UGT1A8: variants seen among roughly 807,000 people sequenced by gnomAD.
UGT1A8 encodes UDP-glucuronosyltransferase 1A8.
UGT1A8 carries 39 observed loss-of-function variants against 45.3 expected under a neutral mutation model. That is an observed-to-expected ratio of 0.86 (90% confidence interval 0.67 to 1.12). The LOEUF (loss-of-function observed/expected upper bound fraction) is 1.12, where lower values mean the gene tolerates loss of function less well. UGT1A8 is among the 50% of genes most tolerant of loss of function. The pLI is 0.00. For missense variants in UGT1A8, 719 were observed against 664.9 expected (o/e 1.08, Z -0.90); for synonymous variants, 275 against 249.2 (o/e 1.10, Z -0.97).
At chr2:233,629,950 T>A (rs978508801) in intron 1 of UGT1A8, among the ~76,000 whole-genome samples, 4 of 152,134 alleles carry the variant, frequency 2.6e-5, no homozygotes, top group Non-Finnish European at 4.4e-5. Flanking sequence ...CATTTTAACA[T>A]CTGTAGAATC....
intron 1 of UGT1A8, chr2:233,743,776 C>T: frequency 7.3e-7 from 1 of 1,367,308 alleles, no homozygotes; most frequent in Non-Finnish European, 9.8e-7. Context: ...CGGCCACCTG[C>T]TTGAATCTCC....
At chr2:233,717,209 CG>C (rs1559362356) in intron 1 of UGT1A8, among the ~76,000 whole-genome samples, 1 of 152,166 alleles carries the variant, frequency 6.6e-6, no homozygotes, top group African/African-American at 2.4e-5. Flanking sequence ...ACCCTCACCC[CG>C]GGCTCATCAG....
At chr2:233,618,894 C>T (rs1204157040) in intron 1 of UGT1A8, among the ~76,000 whole-genome samples, 1 of 152,008 alleles carries the variant, frequency 6.6e-6, no homozygotes, top group African/African-American at 2.4e-5. Flanking sequence ...AGCAAATGCT[C>T]TTAGCAGTTT....
intron 1 of UGT1A8, among the ~76,000 whole-genome samples, chr2:233,694,259 C>G (rs1291026484): frequency 6.6e-6 from 1 of 151,754 alleles, no homozygotes; most frequent in Non-Finnish European, 1.5e-5. Context: ...CAGGGACCAG[C>G]GAACTACAGC....
intron 4 of UGT1A8, 143 bp downstream of exon 4, chr2:233,768,582 CTTTTTT>C (rs139595073): frequency 4.6e-4 from 479 of 1,031,596 alleles, no homozygotes; most frequent in East Asian, 1.4e-3. Context: ...TTTATTTCTT[CTTTTTT>C]TTTTTTTTTT....
chr2:233,633,841 C>A (rs1466357089), intron 1 of UGT1A8, among the ~76,000 whole-genome samples: 2 of 151,996 alleles, frequency 1.3e-5, no homozygotes, highest in African/African-American at 4.8e-5. Flanking sequence ...TTTTTCTTGT[C>A]TTCTGCTAGC....
At chr2:233,645,433 A>G (rs899269829) in intron 1 of UGT1A8, among the ~76,000 whole-genome samples, 6 of 152,300 alleles carry the variant, frequency 3.9e-5, no homozygotes, top group African/African-American at 1.2e-4. Context: ...CATTAACTCA[A>G]AAGTCCACAG....
At chr2:233,706,797 A>G (rs952386355) in intron 1 of UGT1A8, among the ~76,000 whole-genome samples, 9 of 152,160 alleles carry the variant, frequency 5.9e-5, no homozygotes, top group African/African-American at 1.9e-4. Context: ...CCATGCACCA[A>G]TTAGGTTGGG....
At chr2:233,677,122 A>G (rs184135663) in intron 1 of UGT1A8, among the ~76,000 whole-genome samples, 1 of 152,276 alleles carries the variant, frequency 6.6e-6, no homozygotes, top group Non-Finnish European at 1.5e-5. Context: ...TTTTATTTAT[A>G]GATCAACTGG....
intron 1 of UGT1A8, among the ~76,000 whole-genome samples, chr2:233,702,574 T>G (rs2075694345): frequency 6.6e-6 from 1 of 152,166 alleles, no homozygotes. Flanking sequence ...TTTTAGCAGA[T>G]TAGGTCTTAA....
At chr2:233,671,941 T>C (rs146740151) in intron 1 of UGT1A8, 22 of 1,608,618 alleles carry the variant, frequency 1.4e-5, no homozygotes, top group Non-Finnish European at 1.6e-5. Context: ...TCTGATGGCT[T>C]GCACAGGGTG....
Position 233,689,914 on chromosome 2 carries a change from T to C in UGT1A8, c.855+71352T>C, listed in dbSNP as rs1281496187. The C allele has an allele frequency of 8.8e-6, 4 of 456,730 alleles. No individual in the cohort carries two copies. The Admixed American group carries it at 9.4e-5, about 11-fold the overall frequency. 28.3% of individuals were successfully genotyped at this position (456,730 alleles called of 1,614,324 possible). A position where few individuals can be genotyped will look rare whatever the true frequency, so the allele number is the denominator to read the frequency against. ...TATTTCTCAGGGCCAGGTAGGTGCC[T>C]GGAATTTCCTTCGAAAGAACCCAAG... On this transcript the variant is annotated intron_variant, in intron 1 of 4. Coordinates refer to ENST00000373450, the MANE Select transcript of UGT1A8 (RefSeq NM_019076.5).
At chr2:233,675,819 C>G (rs934785521) in intron 1 of UGT1A8, among the ~76,000 whole-genome samples, 14 of 152,098 alleles carry the variant, frequency 9.2e-5, no homozygotes, top group African/African-American at 3.4e-4. Context: ...CTTGGCATGT[C>G]ATTCCATCAC....
Position 233,681,763 on chromosome 2 carries a change from A to G in UGT1A8, c.855+63201A>G. 5 of 908,700 alleles carry G rather than the reference A, an allele frequency of 5.5e-6. 1 individual carries two copies. In the South Asian group the frequency reaches 2.5e-4, roughly 46 times the overall value. The allele number at this position is 908,700 out of a possible 1,614,324, so 56.3% of individuals were successfully genotyped here. ...AAACATATAAGCAGGTATCTCAGCAAAGGCTACTCATGTATTATTATGAGT... is the reference window on the plus strand; with the variant it reads ...AAACATATAAGCAGGTATCTCAGCAGAGGCTACTCATGTATTATTATGAGT... On this transcript the variant is annotated intron_variant, in intron 1 of 4. Transcript: ENST00000373450.
chr2:233,762,111 A>T (rs899038640), intron 1 of UGT1A8, among the ~76,000 whole-genome samples: 1 of 152,200 alleles, frequency 6.6e-6, no homozygotes, highest in South Asian at 2.1e-4. Flanking sequence ...TGTCCGCTTC[A>T]CATCATGAGC....
At chr2:233,681,838 C>T (rs1406886700) in intron 1 of UGT1A8, 1 of 1,515,864 alleles carries the variant, frequency 6.6e-7, no homozygotes, top group African/African-American at 1.4e-5. Flanking sequence ...TGAATAAGTA[C>T]ACGCCTTCTT....
At chr2:233,642,885 T>A (rs2073490232) in intron 1 of UGT1A8, among the ~76,000 whole-genome samples, 1 of 152,016 alleles carries the variant, frequency 6.6e-6, no homozygotes, top group South Asian at 2.1e-4. Context: ...TCTCTCTCTC[T>A]CACTCTCTCT....
chr2:233,639,797 T>C (rs55834830), intron 1 of UGT1A8, among the ~76,000 whole-genome samples: 3 of 152,220 alleles, frequency 2.0e-5, no homozygotes, highest in African/African-American at 7.2e-5. Flanking sequence ...GGGGACAAAC[T>C]TTTAAACTAT....
chr2:233,714,641 A>G (rs2076402561), intron 1 of UGT1A8, among the ~76,000 whole-genome samples: 1 of 152,230 alleles, frequency 6.6e-6, no homozygotes. Flanking sequence ...ATTAATGTGA[A>G]TAATGCATTT....
Sources: gnomAD v4.1 joint callset for allele counts (sites outside exome capture counted in the v4.1 genomes callset) on GRCh38, gnomAD v4.1.1 for gene constraint, MANE v1.5 for transcripts, NCBI Gene and HGNC (gene_info 2026-07-23, HGNC 2026-07-21) for gene names.